TESMIN: variants seen among roughly 807,000 people sequenced by gnomAD.
TESMIN encodes testis expressed metallothionein like protein.
A neutral mutation model predicts 47.4 loss-of-function variants in TESMIN; 34 were observed. The observed-to-expected ratio is 0.72, with a 90% CI of 0.55 to 0.96. The LOEUF (loss-of-function observed/expected upper bound fraction) is 0.96. Ranked by LOEUF, TESMIN falls within the 40% of genes least tolerant of loss-of-function variation. The probability of loss-of-function intolerance (pLI) is 0.00; values close to 1 mark genes in which losing one functional copy is unlikely to be tolerated. For synonymous variants in TESMIN, 278 were observed against 258.9 expected, an observed-to-expected ratio of 1.07 and a Z score of -0.71; for missense variants, 610 against 637.2, an observed-to-expected ratio of 0.96 and a Z score of 0.46.
rs201908833 is a variant in TESMIN at position 68,748,713 on chromosome 11, CAGAA to C, written c.472-1351_472-1348del. Among the ~76,000 whole-genome samples the C allele has an allele frequency of 5.7e-3, 863 of 152,302 alleles. 4 individuals carry two copies. Among genetic ancestry groups the C allele is most frequent in the African/African-American group, 0.019 (804 of 41,548 alleles). Reference sequence around the variant, plus strand: ...TATCTGGTCCATTTTATTAATGAATCAGAAAGCAGTCAATAAAAATTTAAAAAGC... The same window carrying C: ...TATCTGGTCCATTTTATTAATGAATCAGCAGTCAATAAAAATTTAAAAAGC... On this transcript the variant is annotated intron_variant, in intron 2 of 9. Coordinates refer to ENST00000255087, the MANE Select transcript of TESMIN (RefSeq NM_004923.3).
intron 6 of TESMIN, among the ~76,000 whole-genome samples, chr11:68,719,739 G>C (rs989984499): frequency 6.6e-6 from 1 of 152,172 alleles, no homozygotes; most frequent in African/African-American, 2.4e-5. Context: ...CTGAGAGTAA[G>C]ACAGAATAAA....
intron 6 of TESMIN, among the ~76,000 whole-genome samples, chr11:68,716,361 C>T (rs533605544): frequency 7.9e-5 from 12 of 152,356 alleles, no homozygotes; most frequent in African/African-American, 2.9e-4. Flanking sequence ...GTGTTCACTT[C>T]TTCACCAGAC....
chr11:68,735,272 C>T (rs558999287), intron 6 of TESMIN, among the ~76,000 whole-genome samples: 62 of 152,288 alleles, frequency 4.1e-4, no homozygotes, highest in African/African-American at 9.6e-4. Flanking sequence ...CTGCTCTTGC[C>T]CTCGGCCCTC....
At chr11:68,743,821 T>A (rs902097136) in intron 4 of TESMIN, among the ~76,000 whole-genome samples, 1 of 152,206 alleles carries the variant, frequency 6.6e-6, no homozygotes, top group Admixed American at 6.5e-5. Flanking sequence ...AGGATGCACG[T>A]ACTTTATTGT....
At chr11:68,734,517 C>T (rs1946364584) in intron 6 of TESMIN, among the ~76,000 whole-genome samples, 1 of 152,222 alleles carries the variant, frequency 6.6e-6, no homozygotes, top group South Asian at 2.1e-4. Context: ...AAAAACCAAA[C>T]TAGATGAATT....
At chr11:68,705,233 G>A (rs1945987329), downstream of TESMIN, among the ~76,000 whole-genome samples, 1 of 152,202 alleles carries the variant, frequency 6.6e-6, no homozygotes, top group Admixed American at 6.5e-5. Context: ...GCCCCCTCCT[G>A]CTCTCTGGAT....
chr11:68,705,929 A>G (rs930208868), downstream of TESMIN, among the ~76,000 whole-genome samples: 3 of 150,506 alleles, frequency 2.0e-5, no homozygotes, highest in African/African-American at 4.9e-5. Flanking sequence ...AGGCTGAGGC[A>G]GGAGAATCAC....
chr11:68,726,277 T>C (rs1946263220), intron 6 of TESMIN, among the ~76,000 whole-genome samples: 1 of 152,006 alleles, frequency 6.6e-6, no homozygotes, highest in Admixed American at 6.6e-5. Context: ...GGGAGGAGGC[T>C]CACTTCAGGT....
At chr11:68,706,109 G>A (rs867465797), downstream of TESMIN, among the ~76,000 whole-genome samples, 1 of 151,268 alleles carries the variant, frequency 6.6e-6, no homozygotes, top group Non-Finnish European at 1.5e-5. Flanking sequence ...TTTGTATATC[G>A]TTTTAAAATA....
intron 6 of TESMIN, among the ~76,000 whole-genome samples, chr11:68,721,784 C>T (rs1218513582): frequency 6.6e-6 from 1 of 152,178 alleles, no homozygotes; most frequent in Non-Finnish European, 1.5e-5. Flanking sequence ...CTCCACTTTG[C>T]CATTAGCACT....
intron 6 of TESMIN, among the ~76,000 whole-genome samples, chr11:68,728,356 C>T (rs1277645073): frequency 1.3e-5 from 2 of 152,212 alleles, no homozygotes; most frequent in Admixed American, 6.5e-5. Context: ...GGCCCTAATG[C>T]TTGTCAATTC....
In TESMIN at chr11:68,750,652, C is replaced by A. The variant is rs1251595923; in HGVS notation, c.9G>T (p.Glu3Asp). The change falls in exon 2 of 10, where the codon GAG (glutamate) becomes GAT (aspartate). Residue 3 changes from glutamate to aspartate, a missense_variant. Physicochemically the swap from Glu to Asp is conservative, Grantham distance 45. Transcript: ENST00000255087. Reference sequence around the variant, plus strand: ...TGGGCAGCCCGCCCGGCAGAGGGCCCTCCTCCATGGCGCAGGGCGGCGGGG... The same window carrying A: ...TGGGCAGCCCGCCCGGCAGAGGGCCATCCTCCATGGCGCAGGGCGGCGGGG... Reference protein sequence around the residue: MEEGPLPGGLPSP... With the variant: MEDGPLPGGLPSP... The A allele has an allele frequency of 3.9e-6, 6 of 1,549,974 alleles. No individual in the cohort carries two copies. Among genetic ancestry groups the A allele is most frequent in the Non-Finnish European group, 5.2e-6 (6 of 1,147,034 alleles).
intron 6 of TESMIN, chr11:68,736,017 TA>T: frequency 1.1e-6 from 1 of 929,864 alleles, no homozygotes; most frequent in Non-Finnish European, 1.3e-6. Context: ...AGTGCCCATC[TA>T]AAAATTAAAG....
chr11:68,728,172 A>C (rs7930683), intron 6 of TESMIN, among the ~76,000 whole-genome samples: 104,891 of 152,172 alleles, frequency 0.69, 36,970 homozygotes, highest in East Asian at 0.86. Context: ...TTAGTGAGGA[A>C]GGCATGTCGA....
intron 6 of TESMIN, among the ~76,000 whole-genome samples, chr11:68,732,366 T>C (rs1594295236): frequency 6.6e-6 from 1 of 152,244 alleles, no homozygotes; most frequent in Non-Finnish European, 1.5e-5. Flanking sequence ...CTTAGAGTCA[T>C]CTCGTTTCCA....
In TESMIN at chr11:68,707,748, T is replaced by C. The variant is rs1312341324; in HGVS notation, c.*560A>G. ...GGGGGCCTTAGGAAAGACTGACAGT[T>C]CGCGTGCCTCTGGGGAAATATCTAC... On this transcript the variant is annotated 3_prime_UTR_variant, in exon 10 of 10. Transcript: ENST00000255087. The C allele has an allele frequency of 2.2e-6, 1 of 446,714 alleles. No individual in the cohort carries two copies. The highest frequency in any genetic ancestry group is 2.4e-5 in the Admixed American group (1 of 42,226). The allele number at this position is 446,714 out of a possible 1,614,324, so 27.7% of individuals were successfully genotyped here. A position where few individuals can be genotyped will look rare whatever the true frequency, so the allele number is the denominator to read the frequency against.
chr11:68,727,376 G>C (rs1166015564), intron 6 of TESMIN, among the ~76,000 whole-genome samples: 1 of 152,022 alleles, frequency 6.6e-6, no homozygotes, highest in Non-Finnish European at 1.5e-5. Flanking sequence ...GGAGGTGAAG[G>C]CTGCAGTGAG....
intron 6 of TESMIN, among the ~76,000 whole-genome samples, chr11:68,723,262 T>C (rs1298235788): frequency 2.0e-5 from 3 of 151,780 alleles, no homozygotes; most frequent in Admixed American, 6.6e-5. Flanking sequence ...TATATACATA[T>C]ACATACACAT....
intron 6 of TESMIN, among the ~76,000 whole-genome samples, chr11:68,722,395 A>G (rs932222378): frequency 6.6e-6 from 1 of 152,180 alleles, no homozygotes; most frequent in Non-Finnish European, 1.5e-5. Context: ...GTATATTTTA[A>G]AAGTTTAAAA....
Sources: gnomAD v4.1 joint callset for allele counts (sites outside exome capture counted in the v4.1 genomes callset) on GRCh38, gnomAD v4.1.1 for gene constraint, MANE v1.5 for transcripts, NCBI Gene and HGNC (gene_info 2026-07-23, HGNC 2026-07-21) for gene names.